KIAA1549: variants seen among roughly 807,000 people sequenced by gnomAD.
KIAA1549 encodes the protein KIAA1549, also known as UPF0606 protein KIAA1549.
Under a neutral mutation model 156.4 loss-of-function variants are expected in KIAA1549, and 70 were observed. The observed-to-expected ratio is 0.45, with a 90% CI of 0.37 to 0.55. KIAA1549 has a LOEUF of 0.55. KIAA1549 is among the 20% of genes least tolerant of loss of function. KIAA1549 has a pLI of 0.00. For missense variants in KIAA1549, 2,428 were observed against 2,540.9 expected (o/e 0.96, Z 0.96); for synonymous variants, 1,103 against 1,066.4 (o/e 1.03, Z -0.67).
At chr7:138,842,744 A>G (rs1809960906) in intron 18 of KIAA1549, among the ~76,000 whole-genome samples, 1 of 152,068 alleles carries the variant, frequency 6.6e-6, no homozygotes, top group Non-Finnish European at 1.5e-5. Flanking sequence ...ATTAAAAGAC[A>G]TAAAACAGAT....
chr7:138,881,332 C>A, intron 11 of KIAA1549, 56 bp downstream of exon 11: 1 of 1,535,428 alleles, frequency 6.5e-7, no homozygotes, highest in South Asian at 1.2e-5. Flanking sequence ...AACTCACAGC[C>A]TGATAACAGA....
intron 9 of KIAA1549, among the ~76,000 whole-genome samples, chr7:138,897,966 C>T (rs1290171719): frequency 7.8e-6 from 1 of 129,004 alleles, no homozygotes; most frequent in East Asian, 2.5e-4. Context: ...TAGAAAAATA[C>T]ACTCTTCCAT....
chr7:138,868,333 C>G (rs1810815596), intron 14 of KIAA1549, among the ~76,000 whole-genome samples: 1 of 152,148 alleles, frequency 6.6e-6, no homozygotes, highest in Non-Finnish European at 1.5e-5. Context: ...CATGAAGCAA[C>G]ACAGAATGAT....
intron 1 of KIAA1549, among the ~76,000 whole-genome samples, chr7:138,978,676 C>T (rs1814453084): frequency 1.3e-5 from 2 of 152,172 alleles, no homozygotes; most frequent in African/African-American, 4.8e-5. Flanking sequence ...GGAATGCTGC[C>T]TCACATAGGA....
chr7:138,873,927 A>G (rs1811006527), intron 12 of KIAA1549, among the ~76,000 whole-genome samples: 1 of 149,488 alleles, frequency 6.7e-6, no homozygotes, highest in Admixed American at 6.7e-5. Flanking sequence ...TTTTACATAT[A>G]CATATAATAT....
At chr7:138,874,496 A>G (rs1045847749) in intron 12 of KIAA1549, among the ~76,000 whole-genome samples, 6 of 152,236 alleles carry the variant, frequency 3.9e-5, no homozygotes, top group African/African-American at 7.2e-5. Context: ...TTTAGCCACA[A>G]GAAAGAAGGA....
intron 1 of KIAA1549, among the ~76,000 whole-genome samples, chr7:138,930,124 T>C (rs1476756565): frequency 2.0e-5 from 3 of 152,208 alleles, no homozygotes; most frequent in South Asian, 2.1e-4. Flanking sequence ...ACTAGGTCCA[T>C]TGTCAATGAG....
At position 138,834,717 on chromosome 7, in the gene KIAA1549, T is replaced by C. The variant is rs949096919; in HGVS notation, c.*3189A>G. On this transcript the variant is annotated 3_prime_UTR_variant, in exon 20 of 20. Coordinates refer to ENST00000422774, the MANE Select transcript of KIAA1549 (RefSeq NM_001164665.2). ...AGCTTTCGGTTTTGCTCATTACCCA[T>C]GTGTGAACCCATTCACCGCAGTAGT... 1 of 232,524 alleles carries C rather than the reference T, an allele frequency of 4.3e-6. No homozygotes were observed. Among genetic ancestry groups the C allele is most frequent in the Admixed American group, 5.6e-5 (1 of 17,750 alleles). 14.4% of individuals were successfully genotyped at this position (232,524 alleles called of 1,614,324 possible).
At chr7:138,927,180 T>C (rs947779467) in intron 1 of KIAA1549, among the ~76,000 whole-genome samples, 7 of 152,230 alleles carry the variant, frequency 4.6e-5, no homozygotes, top group African/African-American at 7.2e-5. Flanking sequence ...AATTCCACCA[T>C]ATGAATAGAC....
chr7:138,909,157 G>T (rs1016449382), intron 4 of KIAA1549, 36 bp from the exon 5 acceptor site: 2 of 1,590,366 alleles, frequency 1.3e-6, no homozygotes, highest in African/African-American at 2.7e-5. Flanking sequence ...CATAAATGAG[G>T]TGTTTGTGCT....
chr7:138,920,637 G>T (rs1244752618), intron 1 of KIAA1549, among the ~76,000 whole-genome samples: 1 of 152,178 alleles, frequency 6.6e-6, no homozygotes, highest in African/African-American at 2.4e-5. Context: ...GTATGACATA[G>T]CCTAGAGAAA....
chr7:138,859,552 G>A (rs1012721952), intron 16 of KIAA1549, among the ~76,000 whole-genome samples: 1 of 152,014 alleles, frequency 6.6e-6, no homozygotes. Context: ...TCTCCTGCAC[G>A]CTCCCTCATG....
chr7:138,976,052 CTTAT>C lies in KIAA1549; in HGVS notation c.187+5027_187+5030del, dbSNP rs556497902. On this transcript the variant is annotated intron_variant, in intron 1 of 19. Transcript: ENST00000422774. Reference sequence around the variant, plus strand: ...AAGCAAAAACATGTAACAAAAAATGCTTATTTTATTTTACCTTATCTTATTTTAT... The same window carrying C: ...AAGCAAAAACATGTAACAAAAAATGCTTTATTTTACCTTATCTTATTTTAT... Among the ~76,000 whole-genome samples the C allele has an allele frequency of 5.3e-5, 8 of 152,244 alleles. No individual in the cohort carries two copies. In the South Asian group the frequency reaches 1.7e-3, roughly 32 times the overall value.
chr7:138,840,166 C>G lies in KIAA1549; in HGVS notation c.5565G>C (p.Ser1855=), dbSNP rs765103445. Residue 1855 remains serine (S), a synonymous_variant, in exon 19 of 20, where the codon TCG becomes TCC. Coordinates refer to ENST00000422774, the MANE Select transcript of KIAA1549 (RefSeq NM_001164665.2). ...GSQYGGPGWP[S]YGEDEAGRRE... The stretch of plus-strand genomic sequence containing the variant: ...TTCGCCCCGCTTCGTCCTCCCCGTA[C>G]GAAGGCCAGCCTGGCCCCCCATACT... 1.9e-6 allele frequency: 3 copies of G among 1,556,102 alleles called. No individual in the cohort carries two copies. Among genetic ancestry groups the G allele is most frequent in the African/African-American group, 2.7e-5 (2 of 73,378 alleles).
At chr7:138,915,611 G>A (rs1306252061) in intron 2 of KIAA1549, among the ~76,000 whole-genome samples, 4 of 151,876 alleles carry the variant, frequency 2.6e-5, no homozygotes, top group East Asian at 1.9e-4. Context: ...CGACCACAGA[G>A]AGGAAAAGAC....
chr7:138,907,917 A>T (rs1812055963), intron 5 of KIAA1549, among the ~76,000 whole-genome samples: 1 of 152,146 alleles, frequency 6.6e-6, no homozygotes. Context: ...CCCATCCCCT[A>T]GGAAGAACCT....
intron 12 of KIAA1549, among the ~76,000 whole-genome samples, chr7:138,876,165 T>C (rs1811080193): frequency 6.6e-6 from 1 of 152,186 alleles, no homozygotes; most frequent in Non-Finnish European, 1.5e-5. Flanking sequence ...ATGACTACAG[T>C]CATCTCCACT....
intron 12 of KIAA1549, among the ~76,000 whole-genome samples, chr7:138,875,555 G>A (rs529702664): frequency 4.0e-4 from 61 of 152,094 alleles, no homozygotes; most frequent in Non-Finnish European, 7.8e-4. Context: ...TGAGGTGAGA[G>A]GACTGCTTGA....
intron 10 of KIAA1549, among the ~76,000 whole-genome samples, chr7:138,889,365 T>C (rs569391372): frequency 6.6e-6 from 1 of 152,340 alleles, no homozygotes; most frequent in African/African-American, 2.4e-5. Flanking sequence ...TTCATGAAAA[T>C]GCTTCATAAA....
Sources: allele counts gnomAD v4.1 joint callset (sites outside exome capture counted in the v4.1 genomes callset), GRCh38; gene constraint gnomAD v4.1.1; transcripts MANE v1.5; gene names NCBI Gene and HGNC (gene_info 2026-07-23, HGNC 2026-07-21).